PCDHGA4: variants seen among roughly 807,000 people sequenced by gnomAD.
PCDHGA4 encodes the protein protocadherin gamma subfamily A, 4.
A neutral mutation model predicts 54.6 loss-of-function variants in PCDHGA4; 38 were observed. The observed-to-expected ratio is 0.70, with a 90% CI of 0.54 to 0.91. The LOEUF (loss-of-function observed/expected upper bound fraction) is 0.91. PCDHGA4 is among the 40% of genes least tolerant of loss of function. PCDHGA4 has a pLI of 0.00. For missense variants in PCDHGA4, 1,298 were observed against 1,220.9 expected (o/e 1.06, Z -0.94); for synonymous variants, 511 against 512.9 (o/e 1.00, Z 0.05).
At chr5:141,403,594 C>A in intron 1 of PCDHGA4, 2 of 1,613,848 alleles carry the variant, frequency 1.2e-6, no homozygotes, top group Non-Finnish European at 1.7e-6. Context: ...TCCTCACGGC[C>A]TCGGATGGCG....
intron 1 of PCDHGA4, among the ~76,000 whole-genome samples, chr5:141,381,826 CTTTTTTTTTTTTTT>C (rs770630741): frequency 1.3e-5 from 1 of 74,284 alleles, no homozygotes; most frequent in Non-Finnish European, 2.4e-5. Context: ...CTTTCTTCTT[CTTTTTTTTTTTTTT>C]TTTTTTTTGG....
At chr5:141,480,085 A>G (rs2099512286) in intron 1 of PCDHGA4, among the ~76,000 whole-genome samples, 1 of 152,216 alleles carries the variant, frequency 6.6e-6, no homozygotes, top group Admixed American at 6.5e-5. Context: ...TGCATGATAT[A>G]ATGTATGCAA....
rs1387036035 is a variant in PCDHGA4, at chr5:141,432,158, A to G, written c.2515-62649A>G. ...CGCTTATATCCCAGAGAACAATCCC[A>G]GAGGAGTTTCCCTCGTCTCTGTGAC... is the stretch of plus-strand genomic sequence containing the variant. On this transcript the variant is annotated intron_variant, in intron 1 of 3. Coordinates refer to ENST00000571252, the MANE Select transcript of PCDHGA4 (RefSeq NM_018917.4). The surrounding 1 kb of genome is among the most constrained non-coding windows in gnomAD (Gnocchi z 6.0). The G allele has an allele frequency of 6.2e-7, 1 of 1,613,932 alleles. No individual in the cohort carries two copies. Among genetic ancestry groups the G allele is most frequent in the Non-Finnish European group, 8.5e-7 (1 of 1,180,002 alleles).
intron 1 of PCDHGA4, among the ~76,000 whole-genome samples, chr5:141,425,551 T>C (rs1472337722): frequency 1.3e-5 from 2 of 152,270 alleles, no homozygotes. Context: ...CAGAAACCTC[T>C]TTTATAAGTG....
chr5:141,441,370 C>A (rs1378574921), intron 1 of PCDHGA4: 1 of 152,672 alleles, frequency 6.5e-6, no homozygotes, highest in African/African-American at 2.4e-5. Flanking sequence ...GGGCCGTGGA[C>A]CAGGAACAGA....
At chr5:141,507,704 G>A (rs989196400) in intron 3 of PCDHGA4, among the ~76,000 whole-genome samples, 5 of 152,210 alleles carry the variant, frequency 3.3e-5, no homozygotes, top group African/African-American at 9.6e-5. Context: ...AGTATTTATG[G>A]CCCCAAACCC....
intron 1 of PCDHGA4, chr5:141,366,985 G>A (rs1378912863): frequency 2.0e-6 from 1 of 493,266 alleles, no homozygotes; most frequent in East Asian, 3.7e-5. Flanking sequence ...AAAGGAAAGT[G>A]GTTAAATATA....
At chr5:141,453,430 C>A (rs1043851647) in intron 1 of PCDHGA4, among the ~76,000 whole-genome samples, 1 of 152,018 alleles carries the variant, frequency 6.6e-6, no homozygotes, top group Non-Finnish European at 1.5e-5. Flanking sequence ...CCACACCTAG[C>A]CTAGTATTCT....
chr5:141,384,386 T>A (rs1208791457), intron 1 of PCDHGA4: 1 of 1,613,954 alleles, frequency 6.2e-7, no homozygotes, highest in South Asian at 1.1e-5. Flanking sequence ...GAAGACACCA[T>A]CCAGGGGGCT....
chr5:141,478,155 G>A (rs138384601), intron 1 of PCDHGA4: 1 of 1,613,992 alleles, frequency 6.2e-7, no homozygotes, highest in Non-Finnish European at 8.5e-7. Context: ...TTCCCCTCTG[G>A]CTCTGCCCCC....
chr5:141,468,274 G>A (rs1461428449), intron 1 of PCDHGA4, among the ~76,000 whole-genome samples: 1 of 144,906 alleles, frequency 6.9e-6, no homozygotes, highest in Non-Finnish European at 1.5e-5. Flanking sequence ...GTGGTGAGCC[G>A]AGACCACGCC....
rs777293240 is a variant in PCDHGA4, at chr5:141,393,034, T to A, written c.2514+35413T>A. The A allele has an allele frequency of 1.3e-5, 21 of 1,613,636 alleles. No homozygotes were observed. Among genetic ancestry groups the A allele is most frequent in the Admixed American group, 6.7e-5 (4 of 59,986 alleles). Reference sequence around the variant, plus strand: ...ATCGTCTCCAGAGGTAGGACGCAGCTCTTTGCTCTGAACCCGCGCAGCGGC... The same window carrying A: ...ATCGTCTCCAGAGGTAGGACGCAGCACTTTGCTCTGAACCCGCGCAGCGGC... On this transcript the variant is annotated intron_variant, in intron 1 of 3. Coordinates refer to ENST00000571252, the MANE Select transcript of PCDHGA4 (RefSeq NM_018917.4).
At chr5:141,361,005 CT>C (rs1761838030) in intron 1 of PCDHGA4, 1 of 1,613,186 alleles carries the variant, frequency 6.2e-7, no homozygotes, top group East Asian at 2.2e-5. Context: ...AAGTGAAACA[CT>C]TTTTCAACTT....
chr5:141,358,072 C>T (rs1434661708), intron 1 of PCDHGA4, among the ~76,000 whole-genome samples: 2 of 152,178 alleles, frequency 1.3e-5, no homozygotes, highest in Non-Finnish European at 2.9e-5. Context: ...TGCCCGTAGT[C>T]CCAGCTACCC....
chr5:141,363,651 T>C (rs772337570), intron 1 of PCDHGA4, among the ~76,000 whole-genome samples: 15 of 152,250 alleles, frequency 9.9e-5, no homozygotes, highest in Non-Finnish European at 2.2e-4. Context: ...GTAACAAAGA[T>C]CTTTATTTCT....
Position 141,431,003 on chromosome 5 carries a change from G to C in PCDHGA4, c.2515-63804G>C. The C allele has an allele frequency of 6.2e-7, 1 of 1,614,078 alleles. No individual in the cohort carries two copies. The highest frequency in any genetic ancestry group is 8.5e-7 in the Non-Finnish European group (1 of 1,179,974). On this transcript the variant is annotated intron_variant, in intron 1 of 3. Transcript: ENST00000571252. The surrounding 1 kb of genome is among the most constrained non-coding windows in gnomAD (Gnocchi z 4.8). ...GCTTTTCGCCCTGAATCCGCGCAGC[G>C]GCAGCTTGGTCACGGCGGGCAGGAT... is the stretch of plus-strand genomic sequence containing the variant.
chr5:141,464,053 T>C (rs111614367), intron 1 of PCDHGA4, among the ~76,000 whole-genome samples: 9,857 of 152,054 alleles, frequency 0.065, 668 homozygotes, highest in African/African-American at 0.17. Flanking sequence ...TCACCTGAGG[T>C]CAGGAGTTCA....
chr5:141,386,894 A>G (rs1266264149), intron 1 of PCDHGA4, among the ~76,000 whole-genome samples: 1 of 152,228 alleles, frequency 6.6e-6, no homozygotes, highest in Non-Finnish European at 1.5e-5. Context: ...TGTTTCCTTC[A>G]ATTCAGAGGT....
At position 141,383,174 on chromosome 5, in the gene PCDHGA4, G is replaced by C. The variant is rs771829169; in HGVS notation, c.2514+25553G>C. The C allele has an allele frequency of 1.1e-5, 18 of 1,613,966 alleles. No individual in the cohort carries two copies. Among genetic ancestry groups the C allele is most frequent in the Non-Finnish European group, 1.3e-5 (15 of 1,179,984 alleles). On this transcript the variant is annotated intron_variant, in intron 1 of 3. Coordinates refer to ENST00000571252, the MANE Select transcript of PCDHGA4 (RefSeq NM_018917.4). ...TTGGTCACTGCGGGCAGGATAGACC[G>C]GGAAGAGATCTGCGCTCAGAGTGCG...
Sources: gnomAD v4.1 joint callset for allele counts (sites outside exome capture counted in the v4.1 genomes callset) on GRCh38, gnomAD v4.1.1 for gene constraint, Gnocchi (gnomAD v3.1) non-coding constraint, MANE v1.5 for transcripts, NCBI Gene and HGNC (gene_info 2026-07-23, HGNC 2026-07-21) for gene names.